The following ADGRB3 variants were observed in gnomAD, a reference collection of about 807,000 sequenced individuals.
ADGRB3 encodes the protein adhesion G protein-coupled receptor B3.
Under a neutral mutation model 193.4 loss-of-function variants are expected in ADGRB3, and 37 were observed. The ratio of observed to expected loss-of-function variants is 0.19; its 90% CI spans 0.15 to 0.25. The LOEUF (loss-of-function observed/expected upper bound fraction) is 0.25. Among genes scored for constraint, ADGRB3 ranks in the 10% least tolerant of loss-of-function variants. The pLI, the probability that ADGRB3 is intolerant of heterozygous loss-of-function variation, is 1.00. For missense variants in ADGRB3, 1,637 were observed against 1,852.9 expected (o/e 0.88, Z 2.14); for synonymous variants, 690 against 644.2 (o/e 1.07, Z -1.08).
At chr6:69,015,813 G>A (rs912703918) in intron 12 of ADGRB3, among the ~76,000 whole-genome samples, 2 of 151,378 alleles carry the variant, frequency 1.3e-5, no homozygotes, top group Admixed American at 6.6e-5. Context: ...TTTAGATAAA[G>A]CATCCTACTA....
At chr6:69,186,380 T>C (rs974994213) in intron 17 of ADGRB3, among the ~76,000 whole-genome samples, 1 of 152,012 alleles carries the variant, frequency 6.6e-6, no homozygotes, top group East Asian at 1.9e-4. Flanking sequence ...TTTTTCCCAC[T>C]CAGAAATATA....
chr6:68,668,998 A>G (rs540527883), intron 3 of ADGRB3, among the ~76,000 whole-genome samples: 1 of 152,076 alleles, frequency 6.6e-6, no homozygotes, highest in East Asian at 1.9e-4. Flanking sequence ...TAATTTTAGG[A>G]TGGGAACACC....
chr6:69,230,611 TA>T lies in ADGRB3; in HGVS notation c.2481-2671del, dbSNP rs564761115. ...AATAGTTATATGTATGCTAGTGAGT[TA>T]AAAAAAACTCTCATGAGTTTTATAT... On this transcript the variant is annotated intron_variant, in intron 17 of 31. Transcript: ENST00000370598. Among the ~76,000 whole-genome samples, 10 of 152,108 alleles carry T rather than the reference TA, an allele frequency of 6.6e-5. No homozygotes were observed. The East Asian group carries it at 7.7e-4, about 12-fold the overall frequency.
chr6:69,297,305 A>T (rs929336266), intron 20 of ADGRB3, among the ~76,000 whole-genome samples: 1 of 150,604 alleles, frequency 6.6e-6, no homozygotes, highest in Non-Finnish European at 1.5e-5. Flanking sequence ...CATACCACAG[A>T]CCACTTAGAA....
chr6:69,309,429 C>T (rs1768134696), intron 20 of ADGRB3, among the ~76,000 whole-genome samples: 1 of 151,676 alleles, frequency 6.6e-6, no homozygotes, highest in East Asian at 1.9e-4. Context: ...ATGCATCTTC[C>T]TCTCAAAGTG....
chr6:69,235,281 G>A (rs1222617930), intron 19 of ADGRB3, 146 bp downstream of exon 19: 11 of 679,884 alleles, frequency 1.6e-5, no homozygotes, highest in Non-Finnish European at 4.9e-6. Flanking sequence ...GTGTGATTGA[G>A]CTTTAATAAA....
chr6:68,892,130 G>A (rs909453502), intron 3 of ADGRB3, among the ~76,000 whole-genome samples: 1 of 152,194 alleles, frequency 6.6e-6, no homozygotes, highest in Non-Finnish European at 1.5e-5. Flanking sequence ...CAGCTATAGA[G>A]AATTTTAAAA....
chr6:68,872,229 T>C (rs1765481366), intron 3 of ADGRB3, among the ~76,000 whole-genome samples: 4 of 152,250 alleles, frequency 2.6e-5, no homozygotes, highest in Admixed American at 2.6e-4. Flanking sequence ...AAAATGATAA[T>C]TTTTTTGAAG....
intron 3 of ADGRB3, among the ~76,000 whole-genome samples, chr6:68,822,779 G>A (rs1767769983): frequency 6.6e-6 from 1 of 151,902 alleles, no homozygotes; most frequent in South Asian, 2.1e-4. Flanking sequence ...AAAATTTTAT[G>A]AGCCACTTCA....
intron 3 of ADGRB3, among the ~76,000 whole-genome samples, chr6:68,878,312 T>C (rs1765645719): frequency 6.6e-6 from 1 of 152,146 alleles, no homozygotes; most frequent in South Asian, 2.1e-4. Context: ...ACCATGTTTA[T>C]ATATAGCTGA....
intron 3 of ADGRB3, among the ~76,000 whole-genome samples, chr6:68,786,231 G>T (rs560069967): frequency 5.4e-5 from 8 of 147,658 alleles, no homozygotes; most frequent in Admixed American, 4.8e-4. Flanking sequence ...CCTTGCCCAT[G>T]CCTATGTCCT....
chr6:68,762,656 T>C (rs1169302787), intron 3 of ADGRB3, among the ~76,000 whole-genome samples: 1 of 152,098 alleles, frequency 6.6e-6, no homozygotes, highest in African/African-American at 2.4e-5. Flanking sequence ...ATAAATGTCA[T>C]ACGATACTTA....
intron 13 of ADGRB3, among the ~76,000 whole-genome samples, chr6:69,025,016 C>T (rs916413802): frequency 6.6e-6 from 1 of 151,554 alleles, no homozygotes; most frequent in African/African-American, 2.4e-5. Context: ...AGCGTGAACC[C>T]GGCAGGCTGA....
intron 3 of ADGRB3, among the ~76,000 whole-genome samples, chr6:68,797,951 T>C (rs895885806): frequency 6.6e-6 from 1 of 152,176 alleles, no homozygotes; most frequent in Non-Finnish European, 1.5e-5. Context: ...CCAATGAATA[T>C]AGCTGTGGGC....
intron 3 of ADGRB3, among the ~76,000 whole-genome samples, chr6:68,871,247 G>A (rs1159070393): frequency 1.3e-5 from 2 of 152,124 alleles, no homozygotes; most frequent in African/African-American, 4.8e-5. Context: ...TTACAAGGAG[G>A]ATGAAGAATT....
chr6:68,940,549 T>TTTTTA (rs1261069137), intron 5 of ADGRB3, among the ~76,000 whole-genome samples: 1 of 1,074 alleles, frequency 9.3e-4, no homozygotes, highest in Non-Finnish European at 3.2e-3. Context: ...CTTTTGAACT[T>TTTTTA]TTTTTTTTTT....
intron 3 of ADGRB3, among the ~76,000 whole-genome samples, chr6:68,902,163 G>A (rs1766412280): frequency 6.6e-6 from 1 of 152,016 alleles, no homozygotes; most frequent in African/African-American, 2.4e-5. Flanking sequence ...ACCAGTGTGT[G>A]AATAACGAGG....
chr6:69,246,884 C>T (rs1766510047), intron 20 of ADGRB3, among the ~76,000 whole-genome samples: 1 of 152,090 alleles, frequency 6.6e-6, no homozygotes, highest in African/African-American at 2.4e-5. Context: ...CGAGTCTCAG[C>T]CTAGTGTGCA....
At position 69,361,159 on chromosome 6, in the gene ADGRB3, A is replaced by C. The variant is rs145331140; in HGVS notation, c.3886A>C (p.Ile1296Leu). ...DDNLRGADMD[I>L]VHPQERMMES... ...TAATTTGAGAGGGGCTGACATGGAC[A>C]TAGTCCATCCTCAAGAAAGAATGAT... Residue 1296 changes from isoleucine (I) to leucine (L), a missense_variant, in exon 29 of 32, where the codon ATA becomes CTA. Physicochemically the swap from Ile to Leu is conservative, Grantham distance 5. Coordinates refer to ENST00000370598, the MANE Select transcript of ADGRB3 (RefSeq NM_001704.3). 1.2e-6 allele frequency: 2 copies of C among 1,612,792 alleles called. No homozygotes were observed. The highest frequency in any genetic ancestry group is 1.7e-6 in the Non-Finnish European group (2 of 1,179,254).
Sources: gnomAD v4.1 joint callset for allele counts (sites outside exome capture counted in the v4.1 genomes callset) on GRCh38, gnomAD v4.1.1 for gene constraint, MANE v1.5 for transcripts, NCBI Gene and HGNC (gene_info 2026-07-23, HGNC 2026-07-21) for gene names.